SHISA7: variants seen among roughly 807,000 people sequenced by gnomAD.
The protein encoded by SHISA7 is shisa family member 7.
SHISA7 carries 6 observed loss-of-function variants against 23.9 expected under a neutral mutation model. The ratio of observed to expected loss-of-function variants is 0.25; its 90% CI spans 0.14 to 0.50. SHISA7 has a LOEUF of 0.50. Among genes scored for constraint, SHISA7 ranks in the 20% least tolerant of loss-of-function variants. The pLI, the probability that SHISA7 is intolerant of heterozygous loss-of-function variation, is 0.98. For missense variants in SHISA7, 671 were observed against 801.1 expected (o/e 0.84, Z 1.96); for synonymous variants, 386 against 398.3 (o/e 0.97, Z 0.37).
intron 2 of SHISA7, chr19:55,438,563 A>C (rs1343011135): frequency 1.5e-6 from 2 of 1,304,320 alleles, no homozygotes; most frequent in African/African-American, 3.0e-5. Context: ...TTCCGCACCC[A>C]GTGTGGCGGC....
chr19:55,442,775 G>C lies in SHISA7; in HGVS notation c.89C>G (p.Ala30Gly). The C allele has an allele frequency of 8.2e-7, 1 of 1,222,550 alleles. No individual in the cohort carries two copies. Among genetic ancestry groups the C allele is most frequent in the Non-Finnish European group, 1.0e-6 (1 of 981,256 alleles). The allele number at this position is 1,222,550 out of a possible 1,614,324, so 75.7% of individuals were successfully genotyped here. Residue 30 changes from alanine to glycine, a missense_variant, in exon 1 of 4, where the codon GCG becomes GGG. This residue lies in a region of SHISA7 where 96 missense variants were observed against 113.1 expected (regional missense o/e 0.85). Coordinates refer to ENST00000376325, the MANE Select transcript of SHISA7 (RefSeq NM_001145176.2). ...CGCCAGCAGGGCGGGCAGCGGGCCCGCGGGCTCGGCGCTCGTGGCGTTGGA... is the reference window on the plus strand; with the variant it reads ...CGCCAGCAGGGCGGGCAGCGGGCCCCCGGGCTCGGCGCTCGTGGCGTTGGA... ...RPSNATSAEP[A>G]GPLPALLAHL... is the part of the protein sequence containing the mutation.
chr19:55,438,723 C>G, intron 2 of SHISA7: 1 of 1,018,210 alleles, frequency 9.8e-7, no homozygotes, highest in Non-Finnish European at 1.4e-6. Context: ...GCCCCAAGGT[C>G]GGCCCCACAT....
In SHISA7 at chr19:55,433,905, G is replaced by A; in HGVS notation, c.977-109C>T. On this transcript the variant is annotated intron_variant, in intron 3 of 3. Transcript: ENST00000376325. The surrounding 1 kb of genome is among the most constrained non-coding windows in gnomAD (Gnocchi z 8.4). ...CCTATGCTCCTTGTGCCCCCACAAG[G>A]ATCCTGGGCATCAGGCTAGCTGTGA... The A allele has an allele frequency of 1.6e-6, 2 of 1,244,004 alleles. No individual in the cohort carries two copies. Among genetic ancestry groups the A allele is most frequent in the East Asian group, 6.4e-5 (2 of 31,298 alleles). The allele number at this position is 1,244,004 out of a possible 1,614,324, so 77.1% of individuals were successfully genotyped here.
In SHISA7 at chr19:55,433,014, G is replaced by T; in HGVS notation, c.*142C>A. On this transcript the variant is annotated 3_prime_UTR_variant, in exon 4 of 4. Transcript: ENST00000376325. The surrounding 1 kb of genome is among the most constrained non-coding windows in gnomAD (Gnocchi z 8.4). Reference sequence around the variant, plus strand: ...ATAGGAGGAGGAATCTTGTCTGCCAGGACATCCCAGAAGGAGGCTTTCACT... The same window carrying T: ...ATAGGAGGAGGAATCTTGTCTGCCATGACATCCCAGAAGGAGGCTTTCACT... 2.9e-6 allele frequency: 3 copies of T among 1,023,468 alleles called. No individual in the cohort carries two copies. Among genetic ancestry groups the T allele is most frequent in the South Asian group, 3.7e-5 (2 of 54,044 alleles). 63.4% of individuals were successfully genotyped at this position (1,023,468 alleles called of 1,614,324 possible).
Position 55,433,043 on chromosome 19 carries a change from G to A in SHISA7, c.*113C>T. 1 of 1,303,016 alleles carries A rather than the reference G, an allele frequency of 7.7e-7. No individual in the cohort carries two copies. Among genetic ancestry groups the A allele is most frequent in the Non-Finnish European group, 1.0e-6 (1 of 1,000,758 alleles). 80.7% of individuals were successfully genotyped at this position (1,303,016 alleles called of 1,614,324 possible). A position where few individuals can be genotyped will look rare whatever the true frequency, so the allele number is the denominator to read the frequency against. Reference sequence around the variant, plus strand: ...ATCCCAGAAGGAGGCTTTCACTCCTGTCCAAGGGCCGATCTGGGCCCCAGG... The same window carrying A: ...ATCCCAGAAGGAGGCTTTCACTCCTATCCAAGGGCCGATCTGGGCCCCAGG... On this transcript the variant is annotated 3_prime_UTR_variant, in exon 4 of 4. Transcript: ENST00000376325. The surrounding 1 kb of genome is among the most constrained non-coding windows in gnomAD (Gnocchi z 8.4).
At chr19:55,435,113 GGT>G (rs1204871775) in intron 3 of SHISA7, among the ~76,000 whole-genome samples, 10 of 38,796 alleles carry the variant, frequency 2.6e-4, no homozygotes, top group African/African-American at 6.5e-4. Context: ...GTGTGTGTGT[GGT>G]GTGTGTGGTG....
intron 3 of SHISA7, among the ~76,000 whole-genome samples, chr19:55,436,879 C>T (rs1985474438): frequency 6.6e-6 from 1 of 152,252 alleles, no homozygotes; most frequent in South Asian, 2.1e-4. Context: ...GCCACTACAT[C>T]CCAGCCTGGG....
chr19:55,434,638 GGTT>G (rs764851281), intron 3 of SHISA7, among the ~76,000 whole-genome samples: 27 of 96,866 alleles, frequency 2.8e-4, no homozygotes, highest in East Asian at 1.2e-3. Flanking sequence ...TGGTGTGTGT[GGTT>G]GTGTGTATGG....
chr19:55,442,953 G>C lies in SHISA7; in HGVS notation c.-90C>G, dbSNP rs1985631210. 3.0e-6 allele frequency: 2 copies of C among 663,170 alleles called. No homozygotes were observed. Among genetic ancestry groups the C allele is most frequent in the Middle Eastern group, 7.4e-4 (1 of 1,354 alleles). The allele number at this position is 663,170 out of a possible 1,614,324, so 41.1% of individuals were successfully genotyped here. The stretch of plus-strand genomic sequence containing the variant: ...GCTGGGCGGGAGAGAAACGGTCAGA[G>C]GGTGAGAAACGTAGAGATGGGTGGG... On this transcript the variant is annotated 5_prime_UTR_variant, in exon 1 of 4. Transcript: ENST00000376325.
intron 1 of SHISA7, among the ~76,000 whole-genome samples, chr19:55,440,978 A>G (rs1194075583): frequency 5.3e-5 from 8 of 151,866 alleles, no homozygotes; most frequent in Non-Finnish European, 1.0e-4. Context: ...CTGCTGCCTT[A>G]ACTCGTGTGG....
chr19:55,436,615 A>T (rs2123352934), intron 3 of SHISA7, among the ~76,000 whole-genome samples: 1 of 152,018 alleles, frequency 6.6e-6, no homozygotes. Flanking sequence ...AAAAAAAAAA[A>T]AAAAAGTTTC....
chr19:55,436,113 C>T (rs555782636), intron 3 of SHISA7, among the ~76,000 whole-genome samples: 4 of 151,888 alleles, frequency 2.6e-5, no homozygotes, highest in Admixed American at 2.6e-4. Context: ...ATGGTGAAAC[C>T]CCGTCTCTAT....
intron 2 of SHISA7, chr19:55,438,702 GAA>G: frequency 8.3e-7 from 1 of 1,208,788 alleles, no homozygotes; most frequent in Non-Finnish European, 1.1e-6. Flanking sequence ...TGATCTCTGG[GAA>G]GGACTCTGGC....
At position 55,433,010 on chromosome 19, in the gene SHISA7, G is replaced by T; in HGVS notation, c.*146C>A. The T allele has an allele frequency of 1.0e-6, 1 of 996,666 alleles. No homozygotes were observed. Among genetic ancestry groups the T allele is most frequent in the Non-Finnish European group, 1.4e-6 (1 of 725,920 alleles). The allele number at this position is 996,666 out of a possible 1,614,324, so 61.7% of individuals were successfully genotyped here. A position where few individuals can be genotyped will look rare whatever the true frequency, so the allele number is the denominator to read the frequency against. On this transcript the variant is annotated 3_prime_UTR_variant, in exon 4 of 4. Transcript: ENST00000376325. The surrounding 1 kb of genome is among the most constrained non-coding windows in gnomAD (Gnocchi z 8.4). ...AGTAATAGGAGGAGGAATCTTGTCT[G>T]CCAGGACATCCCAGAAGGAGGCTTT...
chr19:55,434,313 T>G (rs900396136), intron 3 of SHISA7, among the ~76,000 whole-genome samples: 9 of 142,058 alleles, frequency 6.3e-5, no homozygotes, highest in Non-Finnish European at 1.1e-4. Context: ...GTGTGTGTGG[T>G]GTGTGTGTGT....
At chr19:55,440,910 G>T (rs1257572611) in intron 1 of SHISA7, 145 bp from the exon 2 acceptor site, 2 of 719,838 alleles carry the variant, frequency 2.8e-6, no homozygotes, top group Non-Finnish European at 3.8e-6. Flanking sequence ...CCCCTTTCTC[G>T]TTGGCCACGC....
intron 1 of SHISA7, 65 bp from the exon 2 acceptor site, chr19:55,440,830 T>C (rs1985583660): frequency 8.2e-7 from 1 of 1,218,060 alleles, no homozygotes; most frequent in Non-Finnish European, 1.0e-6. Flanking sequence ...CCAGGAAGGC[T>C]TCTTTCCGCT....
At position 55,442,878 on chromosome 19, in the gene SHISA7, G is replaced by C. The variant is rs1488390908; in HGVS notation, c.-15C>G. On this transcript the variant is annotated 5_prime_UTR_variant, in exon 1 of 4. Coordinates refer to ENST00000376325, the MANE Select transcript of SHISA7 (RefSeq NM_001145176.2). ...AGGGCCGGCATGGGGCTTGCAGGGG[G>C]TCGCACTGGGCCGCCAGGCTGCGGG... The C allele has an allele frequency of 3.7e-6, 5 of 1,338,152 alleles. No individual in the cohort carries two copies. Among genetic ancestry groups the C allele is most frequent in the Non-Finnish European group, 4.8e-6 (5 of 1,049,790 alleles). The allele number at this position is 1,338,152 out of a possible 1,614,324, so 82.9% of individuals were successfully genotyped here.
intron 2 of SHISA7, chr19:55,438,456 G>A: frequency 2.0e-6 from 2 of 1,012,914 alleles, no homozygotes; most frequent in Non-Finnish European, 2.7e-6. Flanking sequence ...GGGCTCACAG[G>A]GGTCTCACTC....
Sources: allele counts gnomAD v4.1 joint callset (sites outside exome capture counted in the v4.1 genomes callset), GRCh38; gene constraint gnomAD v4.1.1; regional missense constraint gnomAD v4.1.1; non-coding constraint Gnocchi (gnomAD v3.1); transcripts MANE v1.5; gene names NCBI Gene and HGNC (gene_info 2026-07-23, HGNC 2026-07-21).